Variants in CCSER1 observed in about 807,000 individuals in gnomAD.
CCSER1 encodes the protein serine-rich coiled-coil domain-containing protein 1.
CCSER1 carries 41 observed loss-of-function variants against 82.0 expected under a neutral mutation model. The observed-to-expected ratio is 0.50, with a 90% confidence interval of 0.39 to 0.65. The LOEUF is 0.65. Among genes scored for constraint, CCSER1 ranks in the 30% least tolerant of loss-of-function variants. The pLI is 0.00. For missense variants in CCSER1, 1,119 were observed against 1,064.2 expected, an observed-to-expected ratio of 1.05 and a Z score of -0.72; for synonymous variants, 414 against 383.9, an observed-to-expected ratio of 1.08 and a Z score of -0.92.
intron 10 of CCSER1, among the ~76,000 whole-genome samples, chr4:91,271,059 G>T (rs189628875): frequency 6.6e-6 from 1 of 152,086 alleles, no homozygotes; most frequent in Admixed American, 6.6e-5. Context: ...TCTGGATTTA[G>T]ATATATTAAT....
chr4:90,230,214 C>A (rs944520409), intron 1 of CCSER1, among the ~76,000 whole-genome samples: 4 of 152,032 alleles, frequency 2.6e-5, no homozygotes, highest in Admixed American at 2.0e-4. Context: ...TGACCACATA[C>A]TTGGAAGTAA....
At chr4:91,593,594 G>C (rs1764378001) in intron 10 of CCSER1, among the ~76,000 whole-genome samples, 1 of 150,928 alleles carries the variant, frequency 6.6e-6, no homozygotes, top group South Asian at 2.1e-4. Context: ...TTACAGGCGT[G>C]AGCCACAGCG....
At chr4:91,396,587 C>T (rs958702974) in intron 10 of CCSER1, among the ~76,000 whole-genome samples, 9 of 151,966 alleles carry the variant, frequency 5.9e-5, no homozygotes, top group African/African-American at 1.7e-4. Context: ...AATAATGATG[C>T]GGGCAGTTGT....
chr4:90,911,214 CA>C (rs1248623233), intron 8 of CCSER1: 4 of 431,784 alleles, frequency 9.3e-6, no homozygotes, highest in South Asian at 3.4e-5. Flanking sequence ...TTTTCTACAA[CA>C]AAAAAATTAT....
chr4:90,510,036 C>T (rs1771267944), intron 5 of CCSER1, among the ~76,000 whole-genome samples: 2 of 152,128 alleles, frequency 1.3e-5, no homozygotes, highest in South Asian at 2.1e-4. Context: ...TTATTAATCT[C>T]ACAGTGTGCT....
At chr4:90,814,767 A>G (rs1758783358) in intron 7 of CCSER1, among the ~76,000 whole-genome samples, 1 of 152,170 alleles carries the variant, frequency 6.6e-6, no homozygotes, top group Admixed American at 6.5e-5. Context: ...GTTCCCAATA[A>G]GTTCCTTATC....
intron 10 of CCSER1, among the ~76,000 whole-genome samples, chr4:91,553,532 C>G (rs1201212517): frequency 2.0e-5 from 3 of 150,330 alleles, no homozygotes; most frequent in Admixed American, 2.0e-4. Flanking sequence ...TTCTCTTCGT[C>G]GGGAGATATT....
intron 4 of CCSER1, among the ~76,000 whole-genome samples, chr4:90,419,622 TAGAAGAGGAGAG>T (rs1276123896): frequency 2.0e-5 from 3 of 151,878 alleles, no homozygotes; most frequent in Non-Finnish European, 2.9e-5. Context: ...AATAACATCT[TAGAAGAGGAGAG>T]AGAAGAGGAG....
At chr4:91,372,764 G>C (rs1750132360) in intron 10 of CCSER1, among the ~76,000 whole-genome samples, 1 of 152,032 alleles carries the variant, frequency 6.6e-6, no homozygotes, top group Admixed American at 6.6e-5. Context: ...TATGTCTTCT[G>C]TGTAGCGGGT....
At chr4:91,315,150 AGTGTGTGTGT>A (rs67135461) in intron 10 of CCSER1, among the ~76,000 whole-genome samples, 179 of 149,678 alleles carry the variant, frequency 1.2e-3, no homozygotes, top group African/African-American at 2.6e-3. Flanking sequence ...CGTGTGTGCA[AGTGTGTGTGT>A]GTGTGTGTGT....
intron 5 of CCSER1, among the ~76,000 whole-genome samples, chr4:90,499,935 G>A (rs1285333084): frequency 6.6e-6 from 1 of 152,102 alleles, no homozygotes; most frequent in Non-Finnish European, 1.5e-5. Context: ...GACCAAATTA[G>A]TCATTTATGG....
At chr4:90,868,163 A>G (rs1765976460) in intron 8 of CCSER1, among the ~76,000 whole-genome samples, 1 of 152,056 alleles carries the variant, frequency 6.6e-6, no homozygotes, top group South Asian at 2.1e-4. Context: ...TAGTATATCC[A>G]TCTTCTCATG....
intron 6 of CCSER1, among the ~76,000 whole-genome samples, chr4:90,646,242 T>C (rs1300602887): frequency 6.6e-6 from 1 of 152,068 alleles, no homozygotes; most frequent in Non-Finnish European, 1.5e-5. Flanking sequence ...TCATACTATA[T>C]AGTAATTTGT....
intron 10 of CCSER1, among the ~76,000 whole-genome samples, chr4:91,187,638 G>T (rs902394335): frequency 6.6e-6 from 1 of 151,616 alleles, no homozygotes; most frequent in African/African-American, 2.4e-5. Flanking sequence ...TGCAACCTCT[G>T]CCTCTTGGGT....
chr4:90,776,629 A>G (rs1424272910), intron 7 of CCSER1, among the ~76,000 whole-genome samples: 2 of 152,230 alleles, frequency 1.3e-5, no homozygotes, highest in East Asian at 3.9e-4. Flanking sequence ...AATGTTTGTT[A>G]AATGCTTGGA....
At chr4:90,909,797 A>G (rs1726053207) in intron 8 of CCSER1, among the ~76,000 whole-genome samples, 1 of 152,212 alleles carries the variant, frequency 6.6e-6, no homozygotes, top group African/African-American at 2.4e-5. Context: ...ATATTTGTAT[A>G]ATCCATTATT....
intron 4 of CCSER1, among the ~76,000 whole-genome samples, chr4:90,447,018 T>C (rs893830768): frequency 2.0e-5 from 3 of 152,158 alleles, no homozygotes; most frequent in Non-Finnish European, 4.4e-5. Context: ...CTGCTACTTA[T>C]ATTATCAGTA....
At chr4:90,603,167 A>C (rs1784228957) in intron 5 of CCSER1, among the ~76,000 whole-genome samples, 1 of 152,232 alleles carries the variant, frequency 6.6e-6, no homozygotes, top group Admixed American at 6.5e-5. Context: ...AAAGTTTAGT[A>C]GAAGAAAATA....
chr4:90,244,486 A>G lies in CCSER1; in HGVS notation c.-41-63758A>G, dbSNP rs532316719. ...TATTAGTCTGTTCTCACAATGCCATAAAAAAATACCTGAGACTGGGTAATT... is the reference window on the plus strand; with the variant it reads ...TATTAGTCTGTTCTCACAATGCCATGAAAAAATACCTGAGACTGGGTAATT... On this transcript the variant is annotated intron_variant, in intron 1 of 10. Coordinates refer to ENST00000509176, the MANE Select transcript of CCSER1 (RefSeq NM_001145065.2). Among the ~76,000 whole-genome samples the G allele has an allele frequency of 1.3e-4, 20 of 152,280 alleles. 1 individual carries two copies. Among genetic ancestry groups the G allele is most frequent in the Admixed American group, 1.1e-3 (17 of 15,286 alleles).
Sources: allele counts gnomAD v4.1 joint callset (sites outside exome capture counted in the v4.1 genomes callset), GRCh38; gene constraint gnomAD v4.1.1; transcripts MANE v1.5; gene names NCBI Gene and HGNC (gene_info 2026-07-23, HGNC 2026-07-21).